The following MN1 variants were observed in gnomAD, a reference collection of about 807,000 sequenced individuals.
The protein encoded by MN1 is MN1 proto-oncogene, transcriptional regulator, also known as transcriptional activator MN1.
A neutral mutation model predicts 86.9 loss-of-function variants in MN1; 19 were observed. The observed-to-expected ratio is 0.22, with a 90% CI of 0.15 to 0.32. The LOEUF is 0.32. Ranked by LOEUF, MN1 falls within the 10% of genes least tolerant of loss-of-function variation. The probability of loss-of-function intolerance (pLI) is 1.00; values close to 1 mark genes in which losing one functional copy is unlikely to be tolerated. For missense variants in MN1, 1,841 were observed against 1,862.0 expected (o/e 0.99, Z 0.21); for synonymous variants, 928 against 849.6 (o/e 1.09, Z -1.60).
chr22:27,765,180 G>C (rs1932859990), intron 1 of MN1, among the ~76,000 whole-genome samples: 1 of 152,228 alleles, frequency 6.6e-6, no homozygotes, highest in Admixed American at 6.5e-5. Flanking sequence ...GCTCAGAGAG[G>C]TGATGTCACT....
rs371015212 is a variant in MN1 at position 27,749,237 on chromosome 22, C to A, written c.*1678G>T. On this transcript the variant is annotated 3_prime_UTR_variant, in exon 2 of 2. Transcript: ENST00000302326. ...GCTCCTCTCCCTTCGCTGAAAAGTT[C>A]TTTGAAATAAACAACGTGGGTGTTG... 9 of 230,598 alleles carry A rather than the reference C, an allele frequency of 3.9e-5. No individual in the cohort carries two copies. The highest frequency in any genetic ancestry group is 2.0e-4 in the African/African-American group (9 of 45,188). The allele number at this position is 230,598 out of a possible 1,614,324, so 14.3% of individuals were successfully genotyped here. A position where few individuals can be genotyped will look rare whatever the true frequency, so the allele number is the denominator to read the frequency against.
chr22:27,777,656 C>G (rs564587537), intron 1 of MN1, among the ~76,000 whole-genome samples: 25 of 151,882 alleles, frequency 1.6e-4, no homozygotes, highest in African/African-American at 5.3e-4. Flanking sequence ...GTCAGGAGTT[C>G]AAGACCAGCC....
chr22:27,769,962 T>TC (rs1392394278), intron 1 of MN1, among the ~76,000 whole-genome samples: 15 of 152,168 alleles, frequency 9.9e-5, no homozygotes, highest in Middle Eastern at 3.4e-3. Flanking sequence ...TGCATTACTA[T>TC]CCCCCAGATC....
At chr22:27,783,878 C>G (rs1363286519) in intron 1 of MN1, among the ~76,000 whole-genome samples, 9 of 152,210 alleles carry the variant, frequency 5.9e-5, no homozygotes, top group Non-Finnish European at 5.9e-5. Context: ...CGTACACACA[C>G]CCAGGCAGGG....
rs751356858 is a variant in MN1 at position 27,797,087 on chromosome 22, G to A, written c.3457C>T (p.Leu1153=). ...GAPPPDEIHP[L]EILQAQIQLQ... ...TGGATCTGCGCCTGAAGGATCTCCA[G>A]GGGGTGGATCTCGTCGGGTGGCGGG... The change falls in exon 1 of 2, where the codon CTG becomes TTG. Residue 1153 remains leucine (L), a synonymous_variant. Transcript: ENST00000302326. The A allele has an allele frequency of 9.4e-5, 151 of 1,610,236 alleles. No individual in the cohort carries two copies. The highest frequency in any genetic ancestry group is 1.2e-4 in the Non-Finnish European group (142 of 1,178,922).
In MN1 at chr22:27,787,849, G is replaced by C. The variant is rs146234641; in HGVS notation, c.3781+8914C>G. 2.0e-4 allele frequency among the ~76,000 whole-genome samples: 30 copies of C among 152,270 alleles called. No individual in the cohort carries two copies. In the East Asian group the frequency reaches 5.6e-3, roughly 28 times the overall value. ...GGCCCATCTGGGTCTTCATCCCCTTGAGCCTGCCTCGGCCACTAACTCAAC... is the reference window on the plus strand; with the variant it reads ...GGCCCATCTGGGTCTTCATCCCCTTCAGCCTGCCTCGGCCACTAACTCAAC... On this transcript the variant is annotated intron_variant, in intron 1 of 1. Coordinates refer to ENST00000302326, the MANE Select transcript of MN1 (RefSeq NM_002430.3).
intron 1 of MN1, among the ~76,000 whole-genome samples, chr22:27,795,122 C>T (rs1933271688): frequency 6.6e-6 from 1 of 152,076 alleles, no homozygotes; most frequent in Admixed American, 6.6e-5. Context: ...TATGGCCTTG[C>T]CTGGGAGAAG....
intron 1 of MN1, among the ~76,000 whole-genome samples, chr22:27,761,866 T>C (rs768970914): frequency 6.6e-6 from 1 of 152,086 alleles, no homozygotes; most frequent in Non-Finnish European, 1.5e-5. Flanking sequence ...GTCATTTAGA[T>C]TGAGAACTGG....
intron 1 of MN1, among the ~76,000 whole-genome samples, chr22:27,777,910 T>G (rs427736): frequency 6.6e-6 from 1 of 151,440 alleles, no homozygotes; most frequent in African/African-American, 2.4e-5. Flanking sequence ...AAAGAAAAAT[T>G]CTACAGGGTA....
At position 27,798,084 on chromosome 22, in the gene MN1, G is replaced by A. The variant is rs1313836059; in HGVS notation, c.2460C>T (p.Phe820=). ...FNKPSSKDNL[F]GQSCLAALST... ...AGAGCGCAGCCAGGCAGCTCTGGCC[G>A]AACAGGTTGTCCTTGGAGCTGGGCT... The change falls in exon 1 of 2, where the codon TTC becomes TTT. Residue 820 remains phenylalanine (F), a synonymous_variant. Transcript: ENST00000302326. 6.2e-6 allele frequency: 10 copies of A among 1,611,218 alleles called. No individual in the cohort carries two copies. The highest frequency in any genetic ancestry group is 1.1e-5 in the South Asian group (1 of 91,020).
chr22:27,790,547 T>C (rs575183174), intron 1 of MN1, among the ~76,000 whole-genome samples: 1 of 152,018 alleles, frequency 6.6e-6, no homozygotes, highest in Non-Finnish European at 1.5e-5. Flanking sequence ...ACACAGAGGG[T>C]CCCTGCAGGC....
Position 27,797,184 on chromosome 22 carries a change from G to A in MN1, c.3360C>T (p.Gly1120=), listed in dbSNP as rs765294265. 11 of 1,556,868 alleles carry A rather than the reference G, an allele frequency of 7.1e-6. No individual in the cohort carries two copies. The highest frequency in any genetic ancestry group is 3.8e-5 in the Admixed American group (2 of 52,626). ...TGCCCGGATGGCCCGGGCCCCCACC[G>A]CCGCCGTAGCTGTCAGGGGTCGAGG... The part of the protein sequence containing the change: ...NSTSTPDSYG[G]GGGPGHPGTP... The change falls in exon 1 of 2, where the codon GGC becomes GGT. Residue 1120 remains glycine (G), a synonymous_variant. Transcript: ENST00000302326.
chr22:27,789,779 G>A (rs1933186744), intron 1 of MN1, among the ~76,000 whole-genome samples: 1 of 152,224 alleles, frequency 6.6e-6, no homozygotes. Flanking sequence ...CTACGATGAT[G>A]CGTAAATCGT....
intron 1 of MN1, among the ~76,000 whole-genome samples, chr22:27,780,269 C>T (rs1035792173): frequency 2.6e-5 from 4 of 152,104 alleles, no homozygotes; most frequent in Non-Finnish European, 4.4e-5. Context: ...CTACAAGCCC[C>T]GAGCAGTCGG....
chr22:27,750,729 TTTAAA>T lies in MN1; in HGVS notation c.*181_*185del. On this transcript the variant is annotated 3_prime_UTR_variant, in exon 2 of 2. Coordinates refer to ENST00000302326, the MANE Select transcript of MN1 (RefSeq NM_002430.3). ...AAAAAAACTTTTGAGGTTCCCCCCCTTTAAATTAACCCTTTCCGGTCCATATGCCA... is the reference window on the plus strand; with the variant it reads ...AAAAAAACTTTTGAGGTTCCCCCCCTTTAACCCTTTCCGGTCCATATGCCA... The T allele has an allele frequency of 4.4e-6, 2 of 458,620 alleles. No individual in the cohort carries two copies. Among genetic ancestry groups the T allele is most frequent in the Non-Finnish European group, 3.7e-6 (1 of 266,720 alleles). The allele number at this position is 458,620 out of a possible 1,614,324, so 28.4% of individuals were successfully genotyped here. A position where few individuals can be genotyped will look rare whatever the true frequency, so the allele number is the denominator to read the frequency against.
At chr22:27,782,617 G>A (rs1933069103) in intron 1 of MN1, among the ~76,000 whole-genome samples, 2 of 152,216 alleles carry the variant, frequency 1.3e-5, no homozygotes, top group South Asian at 4.1e-4. Flanking sequence ...AGGCTTCTGA[G>A]TATCAACTCA....
At chr22:27,796,124 C>A (rs1054732659) in intron 1 of MN1, among the ~76,000 whole-genome samples, 2 of 152,156 alleles carry the variant, frequency 1.3e-5, no homozygotes, top group African/African-American at 4.8e-5. Context: ...CTCCTGCAAC[C>A]CCCACAGGTC....
chr22:27,752,807 T>C (rs1932777315), intron 1 of MN1, among the ~76,000 whole-genome samples: 1 of 152,062 alleles, frequency 6.6e-6, no homozygotes, highest in South Asian at 2.1e-4. Flanking sequence ...AAAGCTGAAA[T>C]TGGGGGTGGG....
At position 27,798,892 on chromosome 22, in the gene MN1, C is replaced by CGCT. The variant is rs748579691; in HGVS notation, c.1649_1651dup (p.Gln550dup). The stretch of plus-strand genomic sequence containing the variant: ...CTTAATCATGAGGGCCGCGTTTTGG[C>CGCT]GCTGCTGCTGCTGCTGCTGTTGCTG... On this transcript the variant is annotated inframe_insertion, in exon 1 of 2. Transcript: ENST00000302326. 223 of 1,549,922 alleles carry CGCT rather than the reference C, an allele frequency of 1.4e-4. No individual in the cohort carries two copies. The highest frequency in any genetic ancestry group is 1.8e-4 in the Non-Finnish European group (201 of 1,148,538).
Sources: gnomAD v4.1 joint callset for allele counts (sites outside exome capture counted in the v4.1 genomes callset) on GRCh38, gnomAD v4.1.1 for gene constraint, MANE v1.5 for transcripts, NCBI Gene and HGNC (gene_info 2026-07-23, HGNC 2026-07-21) for gene names.